FAR2: variants seen among roughly 807,000 people sequenced by gnomAD.
The protein encoded by FAR2 is epididymis secretory protein Li 81.
FAR2 carries 19 observed loss-of-function variants against 56.0 expected under a neutral mutation model. The ratio of observed to expected loss-of-function variants is 0.34; its 90% CI spans 0.24 to 0.50. The LOEUF is 0.50. FAR2 is among the 20% of genes least tolerant of loss of function. FAR2 has a pLI of 0.98. For missense variants in FAR2, 508 were observed against 642.2 expected, an observed-to-expected ratio of 0.79 and a Z score of 2.26; for synonymous variants, 219 against 218.8, an observed-to-expected ratio of 1.00 and a Z score of -0.01.
At chr12:29,316,098 A>T (rs1283738691) in intron 8 of FAR2, among the ~76,000 whole-genome samples, 1 of 152,164 alleles carries the variant, frequency 6.6e-6, no homozygotes, top group Non-Finnish European at 1.5e-5. Flanking sequence ...TAATCATATT[A>T]CCATAATAAG....
chr12:29,322,620 T>C (rs1472409037), intron 10 of FAR2, among the ~76,000 whole-genome samples: 1 of 152,240 alleles, frequency 6.6e-6, no homozygotes, highest in Non-Finnish European at 1.5e-5. Context: ...TTCTTTTGTA[T>C]ATTATACATG....
chr12:29,307,876 T>C, intron 5 of FAR2, 41 bp downstream of exon 5: 1 of 1,576,670 alleles, frequency 6.3e-7, no homozygotes, highest in Non-Finnish European at 8.6e-7. Flanking sequence ...GCTTCCAAAC[T>C]AAGGTTCTTC....
chr12:29,161,287 T>C (rs1254037890), intron 1 of FAR2, among the ~76,000 whole-genome samples: 5 of 152,236 alleles, frequency 3.3e-5, no homozygotes, highest in African/African-American at 1.2e-4. Context: ...GGGCAGTCAG[T>C]ACCTAGTGCC....
rs1949777593 is a variant in FAR2 at position 29,335,067 on chromosome 12, G to A, written c.*1273G>A. ...GGAATATTATTCAAATATAGTACTT[G>A]GGGCCTAAACAACTAAAATTAGTCA... On this transcript the variant is annotated 3_prime_UTR_variant, in exon 12 of 12. Transcript: ENST00000536681. 6.6e-6 allele frequency: 1 copy of A among 152,032 alleles called. No individual in the cohort carries two copies. Among genetic ancestry groups the A allele is most frequent in the Admixed American group, 6.6e-5 (1 of 15,256 alleles). The allele number at this position is 152,032 out of a possible 1,614,324, so 9.4% of individuals were successfully genotyped here. A position where few individuals can be genotyped will look rare whatever the true frequency, so the allele number is the denominator to read the frequency against.
Position 29,333,779 on chromosome 12 carries a change from C to T in FAR2, c.1533C>T (p.Ser511=). 6.2e-7 allele frequency: 1 copy of T among 1,613,570 alleles called. No individual in the cohort carries two copies. The highest frequency in any genetic ancestry group is 8.5e-7 in the Non-Finnish European group (1 of 1,179,638). Residue 511 remains serine, a synonymous_variant, in exon 12 of 12, where the codon AGC becomes AGT. Coordinates refer to ENST00000536681, the MANE Select transcript of FAR2 (RefSeq NM_001271783.2). ...YKFLSYFRAS[S]TLKV is the part of the protein sequence containing the mutation. ...TCCTCTCCTACTTTAGAGCATCCAG[C>T]ACGCTCAAAGTTTAAGAGCATTTAG...
chr12:29,180,726 T>G (rs1305725538), intron 1 of FAR2, among the ~76,000 whole-genome samples: 1 of 86,004 alleles, frequency 1.2e-5, no homozygotes, highest in Non-Finnish European at 2.4e-5. Flanking sequence ...ATTGTTTATC[T>G]ATCTATCTAT....
In FAR2 at chr12:29,293,335, G is replaced by T. The variant is rs753052700; in HGVS notation, c.225G>T (p.Val75=). 6.2e-7 allele frequency: 1 copy of T among 1,601,378 alleles called. No homozygotes were observed. Among genetic ancestry groups the T allele is most frequent in the Non-Finnish European group, 8.5e-7 (1 of 1,175,626 alleles). Residue 75 remains valine, a synonymous_variant, in exon 3 of 12, where the codon GTG becomes GTT. Transcript: ENST00000536681. ...FEKVKEVCPN[V]HEKIRAIYAD... ...AAGTCAAAGAAGTTTGTCCAAATGT[G>T]CATGAGAAGATCAGAGCTATTTATG... is the stretch of plus-strand genomic sequence containing the variant.
chr12:29,157,106 T>TATATATA (rs1555176819), intron 1 of FAR2: 2 of 73,458 alleles, frequency 2.7e-5, no homozygotes, highest in Non-Finnish European at 4.9e-5. Flanking sequence ...AAAGAACATT[T>TATATATA]TATATATATA....
At chr12:29,298,718 A>C (rs1163634630) in intron 4 of FAR2, among the ~76,000 whole-genome samples, 4 of 152,168 alleles carry the variant, frequency 2.6e-5, no homozygotes, top group Non-Finnish European at 4.4e-5. Flanking sequence ...TTCAGGATGG[A>C]ATTGGTTTCT....
intron 2 of FAR2, among the ~76,000 whole-genome samples, chr12:29,286,038 C>T (rs886221233): frequency 6.8e-6 from 1 of 147,650 alleles, no homozygotes; most frequent in Non-Finnish European, 1.5e-5. Flanking sequence ...AAATCAGAAA[C>T]GTTGGCATGA....
At chr12:29,185,693 A>G (rs1044279717) in intron 1 of FAR2, among the ~76,000 whole-genome samples, 4 of 152,212 alleles carry the variant, frequency 2.6e-5, no homozygotes. Flanking sequence ...TGCCTTTGAC[A>G]TGGGATAATA....
chr12:29,257,541 G>GCTA (rs1948343896), intron 1 of FAR2, among the ~76,000 whole-genome samples: 1 of 152,154 alleles, frequency 6.6e-6, no homozygotes, highest in South Asian at 2.1e-4. Flanking sequence ...AATAAATCTT[G>GCTA]CTACTGCTCA....
At chr12:29,164,359 A>G (rs796967211) in intron 1 of FAR2, among the ~76,000 whole-genome samples, 93 of 152,232 alleles carry the variant, frequency 6.1e-4, no homozygotes, top group African/African-American at 1.9e-3. Context: ...GCCTGCATCT[A>G]GACAGGAATT....
intron 1 of FAR2, among the ~76,000 whole-genome samples, chr12:29,218,272 T>C (rs942207197): frequency 1.3e-5 from 2 of 151,340 alleles, no homozygotes; most frequent in Non-Finnish European, 2.9e-5. Context: ...GGCAGAAGAA[T>C]GGCGTGAACC....
chr12:29,155,839 A>C (rs935124220), intron 1 of FAR2, among the ~76,000 whole-genome samples: 9 of 152,328 alleles, frequency 5.9e-5, no homozygotes, highest in African/African-American at 2.2e-4. Flanking sequence ...CCCCTGCTCT[A>C]AGGCTATGAA....
rs188940726 is a variant in FAR2, at chr12:29,266,716, G to A, written c.-38-3696G>A. ...ATGGGTACTCCACTTACTCTAATGT[G>A]ATTATTACACATTGCATGCCTGTAT... On this transcript the variant is annotated intron_variant, in intron 1 of 11. Coordinates refer to ENST00000536681, the MANE Select transcript of FAR2 (RefSeq NM_001271783.2). Among the ~76,000 whole-genome samples, 717 of 152,214 alleles carry A rather than the reference G, an allele frequency of 4.7e-3. 4 individuals are homozygous for A. The highest frequency in any genetic ancestry group is 8.7e-3 in the Non-Finnish European group (593 of 67,982).
At chr12:29,235,313 C>A (rs945609695) in intron 1 of FAR2, among the ~76,000 whole-genome samples, 1 of 152,126 alleles carries the variant, frequency 6.6e-6, no homozygotes, top group African/African-American at 2.4e-5. Context: ...ACATTCCAAA[C>A]AATAGCTGGG....
At chr12:29,216,150 A>G (rs1034566629) in intron 1 of FAR2, among the ~76,000 whole-genome samples, 1 of 152,198 alleles carries the variant, frequency 6.6e-6, no homozygotes, top group South Asian at 2.1e-4. Flanking sequence ...GTTAGGAACT[A>G]CCTTAAATTA....
chr12:29,249,321 C>T (rs904025308), intron 1 of FAR2, among the ~76,000 whole-genome samples: 3 of 152,186 alleles, frequency 2.0e-5, no homozygotes, highest in African/African-American at 7.2e-5. Context: ...TGACTTCCCG[C>T]AACAGTTTTT....
Sources: gnomAD v4.1 joint callset for allele counts (sites outside exome capture counted in the v4.1 genomes callset) on GRCh38, gnomAD v4.1.1 for gene constraint, MANE v1.5 for transcripts, NCBI Gene and HGNC (gene_info 2026-07-23, HGNC 2026-07-21) for gene names.